Variants in FRMD3 observed in about 807,000 individuals in gnomAD.
The protein encoded by FRMD3 is FERM domain containing 3.
In FRMD3, 33 loss-of-function variants were observed where a neutral mutation model predicts 70.2. The observed-to-expected ratio is 0.47, with a 90% CI of 0.36 to 0.63. FRMD3 has a LOEUF of 0.63. Among genes scored for constraint, FRMD3 ranks in the 20% least tolerant of loss-of-function variants. FRMD3 has a pLI of 0.00. For synonymous variants in FRMD3, 279 were observed against 255.9 expected (o/e 1.09, Z -0.86); for missense variants, 632 against 711.4 (o/e 0.89, Z 1.27).
chr9:83,552,112 G>T, the FRMD3 span, among the ~76,000 whole-genome samples: 1 of 152,268 alleles, frequency 6.6e-6, no homozygotes, highest in South Asian at 2.1e-4. Flanking sequence ...GACATTTAGT[G>T]CTGTGAATTT....
At chr9:83,430,557 A>T (rs1160101833) in intron 1 of FRMD3, among the ~76,000 whole-genome samples, 1 of 152,212 alleles carries the variant, frequency 6.6e-6, no homozygotes, top group Non-Finnish European at 1.5e-5. Context: ...AACTTGTTAA[A>T]ATTATAAAAC....
At chr9:83,442,407 A>G (rs1472038133) in intron 1 of FRMD3, among the ~76,000 whole-genome samples, 1 of 151,698 alleles carries the variant, frequency 6.6e-6, no homozygotes, top group Non-Finnish European at 1.5e-5. Context: ...ACAGGTGTAC[A>G]CCAGCACACC....
chr9:83,300,104 G>C (rs1834845185), intron 10 of FRMD3, among the ~76,000 whole-genome samples: 1 of 152,230 alleles, frequency 6.6e-6, no homozygotes, highest in Non-Finnish European at 1.5e-5. Flanking sequence ...CCTGAGCAAA[G>C]ACATGCACGG....
intron 4 of FRMD3, among the ~76,000 whole-genome samples, chr9:83,344,595 A>G (rs1232473354): frequency 6.6e-6 from 1 of 152,176 alleles, no homozygotes; most frequent in Non-Finnish European, 1.5e-5. Flanking sequence ...TGGGACATCA[A>G]TCTTCTATCC....
chr9:83,424,608 C>A (rs950167524), intron 1 of FRMD3, among the ~76,000 whole-genome samples: 2 of 152,192 alleles, frequency 1.3e-5, no homozygotes, highest in African/African-American at 4.8e-5. Flanking sequence ...GAAAGAAGCT[C>A]TCCAAGCTTA....
At chr9:83,581,828 C>A in the FRMD3 span, among the ~76,000 whole-genome samples, 1 of 152,042 alleles carries the variant, frequency 6.6e-6, no homozygotes, top group Admixed American at 6.6e-5. Context: ...AAATTAATCC[C>A]AAAAGACCAC....
At chr9:83,480,964 C>T (rs758098132) in intron 1 of FRMD3, among the ~76,000 whole-genome samples, 3 of 152,150 alleles carry the variant, frequency 2.0e-5, no homozygotes, top group Non-Finnish European at 4.4e-5. Context: ...CAAAAGATTA[C>T]ATAGAGCAGG....
intron 13 of FRMD3, among the ~76,000 whole-genome samples, chr9:83,274,316 A>C (rs913310115): frequency 2.6e-5 from 4 of 152,170 alleles, no homozygotes; most frequent in Admixed American, 2.6e-4. Flanking sequence ...CCCTTCAGTC[A>C]TCTATCCCTT....
chr9:83,329,236 C>A (rs1042335643), intron 6 of FRMD3, among the ~76,000 whole-genome samples: 6 of 152,024 alleles, frequency 3.9e-5, no homozygotes, highest in African/African-American at 1.4e-4. Flanking sequence ...GGTGCTATAC[C>A]AAATAGCAAC....
intron 1 of FRMD3, among the ~76,000 whole-genome samples, chr9:83,417,394 T>G (rs192788416): frequency 1.4e-4 from 21 of 152,360 alleles, no homozygotes; most frequent in Non-Finnish European, 2.8e-4. Flanking sequence ...GTGTTATTTT[T>G]TGTTTATTTG....
At chr9:83,485,835 CT>C (rs1828676308) in intron 1 of FRMD3, among the ~76,000 whole-genome samples, 1 of 152,108 alleles carries the variant, frequency 6.6e-6, no homozygotes, top group African/African-American at 2.4e-5. Flanking sequence ...GATTGCTTAT[CT>C]GTAAAAATTA....
At chr9:83,406,011 A>G (rs904056417) in intron 1 of FRMD3, among the ~76,000 whole-genome samples, 1 of 151,940 alleles carries the variant, frequency 6.6e-6, no homozygotes, top group African/African-American at 2.4e-5. Context: ...CAATTCTATC[A>G]CATTCCATTC....
chr9:83,354,179 G>T (rs948419314), intron 3 of FRMD3, among the ~76,000 whole-genome samples: 2 of 152,128 alleles, frequency 1.3e-5, no homozygotes, highest in Non-Finnish European at 2.9e-5. Context: ...ACCTGCCTTG[G>T]CCTCCCAAAG....
chr9:83,554,694 A>C, the FRMD3 span, among the ~76,000 whole-genome samples: 1 of 152,332 alleles, frequency 6.6e-6, no homozygotes. Context: ...CCACTGCAGA[A>C]GCAGTGGAAG....
rs1411515955 is a variant in FRMD3, at chr9:83,299,187, C to T, written c.927-1G>A. 1 of 1,608,118 alleles carries T rather than the reference C, an allele frequency of 6.2e-7. No individual in the cohort carries two copies. The highest frequency in any genetic ancestry group is 8.5e-7 in the Non-Finnish European group (1 of 1,176,852). On this transcript the variant is annotated splice_acceptor_variant, in intron 10 of 13. Transcript: ENST00000304195. LOFTEE classifies it high-confidence loss of function. ...CTTGATCTGACTGGATTTTGCATAC[C>T]TTTAAGAAAAAGCAAAGCACAGGTG... is the stretch of plus-strand genomic sequence containing the variant.
At chr9:83,552,421 T>C in the FRMD3 span, among the ~76,000 whole-genome samples, 2 of 152,244 alleles carry the variant, frequency 1.3e-5, no homozygotes, top group African/African-American at 2.4e-5. Flanking sequence ...GTATGTGTCA[T>C]GTGACAATGT....
chr9:83,368,997 G>A (rs1019206882), intron 3 of FRMD3, among the ~76,000 whole-genome samples: 1 of 152,034 alleles, frequency 6.6e-6, no homozygotes, highest in Non-Finnish European at 1.5e-5. Flanking sequence ...TGGGATTACA[G>A]GCACGTTCCA....
chr9:83,547,666 A>T, the FRMD3 span, among the ~76,000 whole-genome samples: 4 of 152,196 alleles, frequency 2.6e-5, no homozygotes, highest in Non-Finnish European at 5.9e-5. Context: ...CTGGACTTAA[A>T]TCAGACTCTA....
At position 83,246,149 on chromosome 9, in the gene FRMD3, GA is replaced by G; in HGVS notation, c.*1768del. On this transcript the variant is annotated 3_prime_UTR_variant, in exon 14 of 14. Coordinates refer to ENST00000304195, the MANE Select transcript of FRMD3 (RefSeq NM_174938.6). ...GAGTGGAAATGTATTGCCCAATTTA[GA>G]AATCATGCTAATGATAGGGTTGGAA... The G allele has an allele frequency of 1.0e-6, 1 of 985,238 alleles. No individual in the cohort carries two copies. The highest frequency in any genetic ancestry group is 1.2e-6 in the Non-Finnish European group (1 of 829,850). 61.0% of individuals were successfully genotyped at this position (985,238 alleles called of 1,614,324 possible). A position where few individuals can be genotyped will look rare whatever the true frequency, so the allele number is the denominator to read the frequency against.
Sources: allele counts gnomAD v4.1 joint callset (sites outside exome capture counted in the v4.1 genomes callset), GRCh38; gene constraint gnomAD v4.1.1; transcripts MANE v1.5; gene names NCBI Gene and HGNC (gene_info 2026-07-23, HGNC 2026-07-21).